The following CTDP1 variants were observed in gnomAD, a reference collection of about 807,000 sequenced individuals.
CTDP1 encodes the protein CTD phosphatase 1.
A neutral mutation model predicts 91.8 loss-of-function variants in CTDP1; 47 were observed. That is an observed-to-expected ratio of 0.51 (90% CI 0.41 to 0.65). CTDP1 has a LOEUF of 0.65. CTDP1 is among the 30% of genes least tolerant of loss of function. The probability of loss-of-function intolerance (pLI) is 0.00; values close to 1 mark genes in which losing one functional copy is unlikely to be tolerated. For missense variants in CTDP1, 1,272 were observed against 1,373.7 expected, an observed-to-expected ratio of 0.93 and a Z score of 1.17; for synonymous variants, 656 against 598.5, an observed-to-expected ratio of 1.10 and a Z score of -1.40.
chr18:79,705,199 C>T lies in CTDP1; in HGVS notation c.772+282C>T, dbSNP rs575422879. ...CGTGGAAACTTCTGCGAGCGTCCTCCGACAGATACCTTCTTAAATCAGTTC... is the reference window on the plus strand; with the variant it reads ...CGTGGAAACTTCTGCGAGCGTCCTCTGACAGATACCTTCTTAAATCAGTTC... On this transcript the variant is annotated intron_variant, in intron 5 of 12. Coordinates refer to ENST00000613122, the MANE Select transcript of CTDP1 (RefSeq NM_004715.5). Among the ~76,000 whole-genome samples the T allele has an allele frequency of 5.9e-5, 9 of 152,234 alleles. No homozygotes were observed. In the East Asian group the frequency reaches 1.2e-3, roughly 20 times the overall value.
intron 1 of CTDP1, chr18:79,680,806 C>G (rs2085348255): frequency 6.6e-6 from 1 of 152,394 alleles, no homozygotes; most frequent in Non-Finnish European, 1.5e-5. Flanking sequence ...TTGTCGCAGG[C>G]TGCTTCAGGG....
In CTDP1 at chr18:79,736,483, G is replaced by A. The variant is rs765978894; in HGVS notation, c.2709G>A (p.Ala903=). 36 of 1,548,256 alleles carry A rather than the reference G, an allele frequency of 2.3e-5. No individual in the cohort carries two copies. The highest frequency in any genetic ancestry group is 3.6e-5 in the South Asian group (3 of 83,938). Residue 903 remains alanine (A), a synonymous_variant, in exon 12 of 13, where the codon GCG becomes GCA. Coordinates refer to ENST00000613122, the MANE Select transcript of CTDP1 (RefSeq NM_004715.5). ...TRRERTLGAP[A]SSERSAAGGR... Reference sequence around the variant, plus strand: ...GGGAGCGGACGCTCGGGGCACCTGCGTCCAGCGAGAGGAGCGCGGCAGGGG... The same window carrying A: ...GGGAGCGGACGCTCGGGGCACCTGCATCCAGCGAGAGGAGCGCGGCAGGGG...
At position 79,718,125 on chromosome 18, in the gene CTDP1, G is replaced by C; in HGVS notation, c.2417+109G>C. 3.1e-6 allele frequency: 4 copies of C among 1,285,062 alleles called. No individual in the cohort carries two copies. In the South Asian group the frequency reaches 5.0e-5, roughly 16 times the overall value. 79.6% of individuals were successfully genotyped at this position (1,285,062 alleles called of 1,614,324 possible). A position where few individuals can be genotyped will look rare whatever the true frequency, so the allele number is the denominator to read the frequency against. ...TTGCCCGAAGTGAGGGCGGGTGGAG[G>C]CTGCAGACGGTGACTCCTGCTTCCA... On this transcript the variant is annotated intron_variant, in intron 10 of 12. Transcript: ENST00000613122.
intron 12 of CTDP1, among the ~76,000 whole-genome samples, chr18:79,753,423 T>C (rs964445691): frequency 6.6e-5 from 10 of 152,204 alleles, no homozygotes; most frequent in Middle Eastern, 3.2e-3. Context: ...GCTTTGTCAG[T>C]GGTGTCCTGG....
intron 1 of CTDP1, among the ~76,000 whole-genome samples, chr18:79,690,926 T>G (rs1005997714): frequency 3.9e-5 from 6 of 152,224 alleles, no homozygotes; most frequent in Non-Finnish European, 7.3e-5. Flanking sequence ...CGAAGGCCTG[T>G]GTTTGGTCAC....
chr18:79,725,067 T>G (rs2086418330), intron 10 of CTDP1, among the ~76,000 whole-genome samples: 1 of 152,288 alleles, frequency 6.6e-6, no homozygotes, highest in Non-Finnish European at 1.5e-5. Flanking sequence ...GTGTGTGTGG[T>G]TTTTCTTCTT....
At chr18:79,697,343 T>C (rs1328513246) in intron 3 of CTDP1, among the ~76,000 whole-genome samples, 4 of 152,164 alleles carry the variant, frequency 2.6e-5, no homozygotes, top group Non-Finnish European at 5.9e-5. Context: ...GGGCCCTTGT[T>C]AGGAGCTCCA....
At chr18:79,680,579 G>GA (rs1210443581) in intron 1 of CTDP1, among the ~76,000 whole-genome samples, 1 of 152,248 alleles carries the variant, frequency 6.6e-6, no homozygotes, top group Non-Finnish European at 1.5e-5. Context: ...TGTGACTTAG[G>GA]AAAACTCATG....
In CTDP1 at chr18:79,740,166, G is replaced by A. The variant is rs938931808; in HGVS notation, c.2747+3645G>A. 7.4e-4 allele frequency among the ~76,000 whole-genome samples: 101 copies of A among 137,348 alleles called. 1 individual carries two copies. Among genetic ancestry groups the A allele is most frequent in the African/African-American group, 2.5e-3 (90 of 35,980 alleles). The allele number at this position is 137,348 out of a possible 152,430, so 90.1% of individuals were successfully genotyped here. A position where few individuals can be genotyped will look rare whatever the true frequency, so the allele number is the denominator to read the frequency against. ...GGGTGGGACTCTCATACCCACGGCC[G>A]GGACGGGTGGGACTCTCATACCCAC... On this transcript the variant is annotated intron_variant, in intron 12 of 12. Coordinates refer to ENST00000613122, the MANE Select transcript of CTDP1 (RefSeq NM_004715.5).
chr18:79,726,895 ATGG>A (rs1568206096), intron 10 of CTDP1, among the ~76,000 whole-genome samples: 6 of 77,678 alleles, frequency 7.7e-5, no homozygotes, highest in African/African-American at 1.3e-4. Flanking sequence ...TTGCTGGTGG[ATGG>A]CTGTCGGGGT....
Position 79,679,894 on chromosome 18 carries a change from GCT to G in CTDP1, c.-51_-50del, listed in dbSNP as rs2085318437. The G allele has an allele frequency of 1.5e-6, 2 of 1,338,128 alleles. No individual in the cohort carries two copies. Among genetic ancestry groups the G allele is most frequent in the Admixed American group, 3.6e-5 (1 of 28,084 alleles). 82.9% of individuals were successfully genotyped at this position (1,338,128 alleles called of 1,614,324 possible). On this transcript the variant is annotated 5_prime_UTR_variant, in exon 1 of 13. Coordinates refer to ENST00000613122, the MANE Select transcript of CTDP1 (RefSeq NM_004715.5). Reference sequence around the variant, plus strand: ...GTTGTGTCGCCGCGGTAGGCGCTGCGCTCTGAGCGCAGCGCAGGCCCCGTACC... The same window carrying G: ...GTTGTGTCGCCGCGGTAGGCGCTGCGCTGAGCGCAGCGCAGGCCCCGTACC...
At chr18:79,712,415 G>A (rs1407668776) in intron 6 of CTDP1, among the ~76,000 whole-genome samples, 2 of 152,114 alleles carry the variant, frequency 1.3e-5, no homozygotes, top group Admixed American at 6.5e-5. Flanking sequence ...CTGAGTAGCC[G>A]GGACTACGGG....
intron 1 of CTDP1, chr18:79,685,529 G>A (rs530747591): frequency 1.3e-5 from 2 of 152,084 alleles, no homozygotes; most frequent in African/African-American, 2.4e-5. Context: ...ATTCACCAGC[G>A]CAGGGTGTGA....
chr18:79,727,053 G>T (rs2086463210), intron 10 of CTDP1, among the ~76,000 whole-genome samples: 1 of 152,138 alleles, frequency 6.6e-6, no homozygotes, highest in African/African-American at 2.4e-5. Flanking sequence ...ACGGCTGTGG[G>T]GGCTGGTGAG....
chr18:79,699,480 G>A (rs1011420295), intron 4 of CTDP1, among the ~76,000 whole-genome samples: 1 of 151,974 alleles, frequency 6.6e-6, no homozygotes, highest in African/African-American at 2.4e-5. Flanking sequence ...AGCCAGGATG[G>A]TCTCAATCTC....
chr18:79,734,554 G>A (rs553761476), intron 11 of CTDP1, among the ~76,000 whole-genome samples: 1 of 151,180 alleles, frequency 6.6e-6, no homozygotes, highest in African/African-American at 2.5e-5. Flanking sequence ...GCGTTGGCAC[G>A]GACGTCTGAG....
intron 10 of CTDP1, among the ~76,000 whole-genome samples, chr18:79,723,330 T>C (rs1418462444): frequency 1.3e-5 from 2 of 152,178 alleles, no homozygotes; most frequent in Non-Finnish European, 2.9e-5. Flanking sequence ...GTTGTGCTGC[T>C]GTGGAGGTGG....
At chr18:79,699,466 T>C (rs2085813915) in intron 4 of CTDP1, among the ~76,000 whole-genome samples, 1 of 152,056 alleles carries the variant, frequency 6.6e-6, no homozygotes, top group African/African-American at 2.4e-5. Context: ...GGTTTCACCG[T>C]GTTAGCCAGG....
Position 79,754,465 on chromosome 18 carries a change from A to G in CTDP1, c.*675A>G, listed in dbSNP as rs1410440388. 2.0e-5 allele frequency: 3 copies of G among 152,726 alleles called. No individual in the cohort carries two copies. The highest frequency in any genetic ancestry group is 4.4e-5 in the Non-Finnish European group (3 of 68,150). 9.5% of individuals were successfully genotyped at this position (152,726 alleles called of 1,614,324 possible). On this transcript the variant is annotated 3_prime_UTR_variant, in exon 13 of 13. Transcript: ENST00000613122. ...TGTAAATCTATTTCATATCTGACCC[A>G]CCAAACAGATTTCTCTTTAATAAAA... is the stretch of plus-strand genomic sequence containing the variant.
Sources: gnomAD v4.1 joint callset for allele counts (sites outside exome capture counted in the v4.1 genomes callset) on GRCh38, gnomAD v4.1.1 for gene constraint, MANE v1.5 for transcripts, NCBI Gene and HGNC (gene_info 2026-07-23, HGNC 2026-07-21) for gene names.